The following ASB1 variants were observed in gnomAD, a reference collection of about 807,000 sequenced individuals.
The protein encoded by ASB1 is ankyrin repeat and SOCS box protein 1.
In ASB1, 18 loss-of-function variants were observed where a neutral mutation model predicts 27.7. That is an observed-to-expected ratio of 0.65 (90% CI 0.45 to 0.96). The LOEUF is 0.96. ASB1 is among the 50% of genes least tolerant of loss of function. The probability of loss-of-function intolerance (pLI) is 0.00; values close to 1 mark genes in which losing one functional copy is unlikely to be tolerated. For synonymous variants in ASB1, 189 were observed against 187.6 expected (o/e 1.01, Z -0.06); for missense variants, 397 against 451.7 (o/e 0.88, Z 1.10).
At chr2:238,432,005 A>G (rs559002173) in intron 1 of ASB1, among the ~76,000 whole-genome samples, 6 of 152,354 alleles carry the variant, frequency 3.9e-5, no homozygotes, top group South Asian at 2.1e-4. Context: ...TGCTCAGCAC[A>G]GGGTTGCCAC....
intron 1 of ASB1, 88 bp downstream of exon 1, chr2:238,427,207 G>A: frequency 9.6e-7 from 1 of 1,039,416 alleles, no homozygotes; most frequent in Non-Finnish European, 1.2e-6. Flanking sequence ...CTGCGTCCTC[G>A]TCCCGGGCTG....
intron 2 of ASB1, 30 bp from the exon 3 acceptor site, chr2:238,435,681 C>G (rs1334937812): frequency 6.3e-7 from 1 of 1,590,064 alleles, no homozygotes; most frequent in Non-Finnish European, 8.6e-7. Flanking sequence ...GCGGCTGCCT[C>G]TCATGAGCCC....
At chr2:238,438,035 G>A (rs575942531) in intron 3 of ASB1, among the ~76,000 whole-genome samples, 3 of 152,142 alleles carry the variant, frequency 2.0e-5, no homozygotes, top group Admixed American at 6.5e-5. Context: ...TTTGCACCTT[G>A]GAGAATGTAA....
At chr2:238,434,038 G>A (rs1057466182) in intron 2 of ASB1, among the ~76,000 whole-genome samples, 10 of 152,146 alleles carry the variant, frequency 6.6e-5, no homozygotes, top group African/African-American at 2.2e-4. Context: ...TGGGTTTCTC[G>A]TGGCTCTTAA....
intron 3 of ASB1, among the ~76,000 whole-genome samples, chr2:238,440,557 C>T (rs914819935): frequency 6.6e-6 from 1 of 152,212 alleles, no homozygotes; most frequent in Non-Finnish European, 1.5e-5. Context: ...TACATGGCTC[C>T]TGACCTGTTT....
In ASB1 at chr2:238,446,423, T is replaced by G; in HGVS notation, c.920T>G (p.Val307Gly). Residue 307 changes from valine to glycine, a missense_variant, in exon 5 of 5, where the codon GTG (valine) becomes GGG (glycine). Physicochemically the swap from Val to Gly is moderately radical, Grantham distance 109. Transcript: ENST00000264607. ...TTGCTGTGTCTGTGCCGTGTGGCTG[T>G]GAGAAGAGCTCTTGGCAAACACCGG... ...RTLLCLCRVA[V>G]RRALGKHRLH... 1 of 1,613,646 alleles carries G rather than the reference T, an allele frequency of 6.2e-7. No homozygotes were observed. Among genetic ancestry groups the G allele is most frequent in the Admixed American group, 1.7e-5 (1 of 59,980 alleles).
chr2:238,428,178 T>A (rs1250514644), intron 1 of ASB1, among the ~76,000 whole-genome samples: 1 of 152,204 alleles, frequency 6.6e-6, no homozygotes, highest in Non-Finnish European at 1.5e-5. Flanking sequence ...TGTCATCTCA[T>A]GTGAGAGTGA....
In ASB1 at chr2:238,435,945, C is replaced by T. The variant is rs1701961782; in HGVS notation, c.426C>T (p.His142=). 1 of 1,614,182 alleles carries T rather than the reference C, an allele frequency of 6.2e-7. No individual in the cohort carries two copies. Among genetic ancestry groups the T allele is most frequent in the South Asian group, 1.1e-5 (1 of 91,086 alleles). Residue 142 remains histidine (H), a synonymous_variant, in exon 3 of 5, where the codon CAC becomes CAT. Coordinates refer to ENST00000264607, the MANE Select transcript of ASB1 (RefSeq NM_001040445.3). ...GCGCGGACCCCAACGGAAGCCGGCA[C>T]CATCGCAGCACCCCTGTCTACCACG... is the stretch of plus-strand genomic sequence containing the variant. The part of the protein sequence containing the change: ...EAGADPNGSR[H]HRSTPVYHAS...
At position 238,444,244 on chromosome 2, in the gene ASB1, C is replaced by T. The variant is rs1301151772; in HGVS notation, c.495-98C>T. 5.7e-6 allele frequency: 8 copies of T among 1,406,700 alleles called. No homozygotes were observed. The East Asian group carries it at 1.9e-4, about 33-fold the overall frequency. 87.1% of individuals were successfully genotyped at this position (1,406,700 alleles called of 1,614,324 possible). On this transcript the variant is annotated intron_variant, in intron 3 of 4. Coordinates refer to ENST00000264607, the MANE Select transcript of ASB1 (RefSeq NM_001040445.3). ...GCGCCTGGTGTCACTGAATCAAGGC[C>T]TTCTGCTCAGGGTGGCTGTGGGATT...
At chr2:238,438,447 G>A (rs192384336) in intron 3 of ASB1, among the ~76,000 whole-genome samples, 2 of 151,960 alleles carry the variant, frequency 1.3e-5, no homozygotes, top group East Asian at 1.9e-4. Flanking sequence ...TGATCCGCCC[G>A]CCTCGGCCTC....
chr2:238,430,526 GAATT>G lies in ASB1; in HGVS notation c.50-3025_50-3022del, dbSNP rs372346818. On this transcript the variant is annotated intron_variant, in intron 1 of 4. Transcript: ENST00000264607. The stretch of plus-strand genomic sequence containing the variant: ...CCCTCAAAGTCATCCATGTGGGTTG[GAATT>G]AACTTCTTTCAAACTCCTTTTGATA... Among the ~76,000 whole-genome samples the G allele has an allele frequency of 4.7e-3, 717 of 152,296 alleles. 6 individuals carry two copies. The highest frequency in any genetic ancestry group is 0.016 in the African/African-American group (685 of 41,552).
rs777539660 is a variant in ASB1 at position 238,444,578 on chromosome 2, T to G, written c.731T>G (p.Leu244Arg). 2 of 1,614,242 alleles carry G rather than the reference T, an allele frequency of 1.2e-6. No individual in the cohort carries two copies. The highest frequency in any genetic ancestry group is 1.7e-6 in the Non-Finnish European group (2 of 1,180,046). ...CCTGGGTGCGTCATGGATGCTGTTCTGCGCCACGGCTGTGAGGCAGCCTTC... is the reference window on the plus strand; with the variant it reads ...CCTGGGTGCGTCATGGATGCTGTTCGGCGCCACGGCTGTGAGGCAGCCTTC... The part of the protein sequence containing the change: ...GSPGCVMDAV[L>R]RHGCEAAFVS... Residue 244 changes from leucine (L) to arginine (R), a missense_variant, in exon 4 of 5, where the codon CTG becomes CGG. Physicochemically the swap from Leu to Arg is moderately radical, Grantham distance 102. Transcript: ENST00000264607.
intron 2 of ASB1, 36 bp from the exon 3 acceptor site, chr2:238,435,675 C>G: frequency 6.3e-7 from 1 of 1,581,788 alleles, no homozygotes. Context: ...TGTCCTGCGG[C>G]TGCCTCTCAT....
chr2:238,441,865 G>A (rs1702084258), intron 3 of ASB1, among the ~76,000 whole-genome samples: 1 of 152,160 alleles, frequency 6.6e-6, no homozygotes, highest in Non-Finnish European at 1.5e-5. Flanking sequence ...TGGGTCAAAG[G>A]GTAAATGCAT....
intron 1 of ASB1, among the ~76,000 whole-genome samples, chr2:238,431,174 T>G (rs1430599915): frequency 1.3e-5 from 2 of 152,224 alleles, no homozygotes; most frequent in African/African-American, 4.8e-5. Flanking sequence ...GCCACCTTCA[T>G]CAATTATCTT....
rs1702254561 is a variant in ASB1, at chr2:238,450,109, T to C, written c.*3598T>C. 1 of 152,308 alleles carries C rather than the reference T, an allele frequency of 6.6e-6. No individual in the cohort carries two copies. Among genetic ancestry groups the C allele is most frequent in the African/African-American group, 2.4e-5 (1 of 41,464 alleles). The allele number at this position is 152,308 out of a possible 1,614,324, so 9.4% of individuals were successfully genotyped here. ...GTGTGTAAACTGCTGTCCTGGTGAC[T>C]TGTCCCTCTTCTTAGTGGAAATGCA... On this transcript the variant is annotated 3_prime_UTR_variant, in exon 5 of 5. Transcript: ENST00000264607.
At chr2:238,431,453 C>G (rs1029818398) in intron 1 of ASB1, among the ~76,000 whole-genome samples, 2 of 152,232 alleles carry the variant, frequency 1.3e-5, no homozygotes. Context: ...TCTATATCAG[C>G]AATAAGGCTG....
At chr2:238,432,959 G>A (rs1270879861) in intron 1 of ASB1, among the ~76,000 whole-genome samples, 1 of 152,082 alleles carries the variant, frequency 6.6e-6, no homozygotes, top group Non-Finnish European at 1.5e-5. Flanking sequence ...TGTTGGCCAG[G>A]ATGGTTTTGA....
Position 238,446,602 on chromosome 2 carries a change from T to A in ASB1, c.*91T>A. 1 of 1,509,382 alleles carries A rather than the reference T, an allele frequency of 6.6e-7. No homozygotes were observed. Among genetic ancestry groups the A allele is most frequent in the Non-Finnish European group, 9.1e-7 (1 of 1,098,344 alleles). 93.5% of individuals were successfully genotyped at this position (1,509,382 alleles called of 1,614,324 possible). On this transcript the variant is annotated 3_prime_UTR_variant, in exon 5 of 5. Coordinates refer to ENST00000264607, the MANE Select transcript of ASB1 (RefSeq NM_001040445.3). ...CCTGAGTGCTGTGCTGCTGCTGGTC[T>A]CCTGATGGCTGTTGCTGCAGAAGAT...
Sources: gnomAD v4.1 joint callset for allele counts (sites outside exome capture counted in the v4.1 genomes callset) on GRCh38, gnomAD v4.1.1 for gene constraint, MANE v1.5 for transcripts, NCBI Gene and HGNC (gene_info 2026-07-23, HGNC 2026-07-21) for gene names.